Variants in COL5A2 observed in about 807,000 individuals in gnomAD.
COL5A2 encodes collagen alpha-2(V) chain.
Under a neutral mutation model 208.2 loss-of-function variants are expected in COL5A2, and 23 were observed. The ratio of observed to expected loss-of-function variants is 0.11; its 90% CI spans 0.08 to 0.16. The LOEUF is 0.16. Among genes scored for constraint, COL5A2 ranks in the 10% least tolerant of loss-of-function variants. The pLI is 1.00. For synonymous variants in COL5A2, 625 were observed against 628.5 expected, an observed-to-expected ratio of 0.99 and a Z score of 0.08; for missense variants, 1,590 against 1,956.4, an observed-to-expected ratio of 0.81 and a Z score of 3.53.
At position 189,063,263 on chromosome 2, in the gene COL5A2, G is replaced by A. The variant is rs776671435; in HGVS notation, c.1778C>T (p.Pro593Leu). Residue 593 changes from proline to leucine, a missense_variant, in exon 27 of 54, where the codon CCA becomes CTA. Transcript: ENST00000374866. ...PEGKLGPLGA[P>L]GEDGRPGPPG... ...AGGACCTGGACGGCCATCTTCCCCT[G>A]GCGCACCCTATAGAATTGACAGGAG... The A allele has an allele frequency of 2.5e-6, 4 of 1,613,706 alleles. No homozygotes were observed. In the Admixed American group the frequency reaches 5.0e-5, roughly 20 times the overall value.
intron 1 of COL5A2, among the ~76,000 whole-genome samples, chr2:189,172,576 A>G (rs1408040292): frequency 1.3e-5 from 2 of 152,212 alleles, no homozygotes; most frequent in Non-Finnish European, 2.9e-5. Context: ...CAGTGAGGTT[A>G]AGGACCCTCT....
intron 1 of COL5A2, among the ~76,000 whole-genome samples, chr2:189,141,363 C>T (rs926206911): frequency 6.6e-6 from 1 of 152,012 alleles, no homozygotes; most frequent in Non-Finnish European, 1.5e-5. Context: ...AATTATTTGC[C>T]TATTTTGCCT....
chr2:189,157,133 T>TATAG (rs1248443342), intron 1 of COL5A2, among the ~76,000 whole-genome samples: 17 of 82,776 alleles, frequency 2.1e-4, no homozygotes, highest in African/African-American at 4.4e-4. Context: ...TCTATCTATA[T>TATAG]ATATATCTAT....
intron 1 of COL5A2, among the ~76,000 whole-genome samples, chr2:189,191,163 C>CCAAAAAAAAAAAAAAAAAAAAAAA (rs748055610): frequency 9.8e-4 from 71 of 72,234 alleles, no homozygotes; most frequent in East Asian, 1.8e-3. Context: ...AAAAAACAAA[C>CCAAAAAAAAAAAAAAAAAAAAAAA]AAACAACAAA....
At chr2:189,399,007 G>C in the COL5A2 span, among the ~76,000 whole-genome samples, 2 of 151,892 alleles carry the variant, frequency 1.3e-5, no homozygotes, top group Admixed American at 1.3e-4. Flanking sequence ...CTCATACTTT[G>C]TGCTGTTTTG....
chr2:189,054,110 A>C (rs746636643), intron 36 of COL5A2, 49 bp downstream of exon 36: 1 of 1,521,774 alleles, frequency 6.6e-7, no homozygotes, highest in Admixed American at 1.7e-5. Context: ...AGAGCCTGCT[A>C]TTCAGGACTC....
the COL5A2 span, among the ~76,000 whole-genome samples, chr2:189,380,598 A>T: frequency 6.6e-6 from 1 of 151,854 alleles, no homozygotes. Flanking sequence ...GTTATAATTT[A>T]TACATGTATT....
rs773311965 is a variant in COL5A2, at chr2:189,087,083, C to T, written c.646-313G>A. ...GATGGTTCTGTTAAGTAAGAACATCCGAATAAAGAAAAATCTTGGCTGACA... is the reference window on the plus strand; with the variant it reads ...GATGGTTCTGTTAAGTAAGAACATCTGAATAAAGAAAAATCTTGGCTGACA... On this transcript the variant is annotated intron_variant, in intron 8 of 53. Transcript: ENST00000374866. Among the ~76,000 whole-genome samples the T allele has an allele frequency of 4.6e-5, 7 of 152,092 alleles. No individual in the cohort carries two copies. In the East Asian group the frequency reaches 7.7e-4, roughly 17 times the overall value.
At chr2:189,377,697 G>A in the COL5A2 span, among the ~76,000 whole-genome samples, 1 of 152,078 alleles carries the variant, frequency 6.6e-6, no homozygotes, top group African/African-American at 2.4e-5. Context: ...TGCAACTTCT[G>A]TATTCACCCA....
the COL5A2 span, among the ~76,000 whole-genome samples, chr2:189,292,703 T>C: frequency 6.6e-6 from 1 of 152,168 alleles, no homozygotes; most frequent in Non-Finnish European, 1.5e-5. Flanking sequence ...TGGCGATTCC[T>C]CAGGGATCTA....
At chr2:189,128,528 A>C (rs1687651322) in intron 1 of COL5A2, among the ~76,000 whole-genome samples, 1 of 151,592 alleles carries the variant, frequency 6.6e-6, no homozygotes, top group South Asian at 2.1e-4. Flanking sequence ...ATTTTCTTTT[A>C]AGTTGGTGCT....
At position 189,068,773 on chromosome 2, in the gene COL5A2, G is replaced by A. The variant is rs774020149; in HGVS notation, c.1257+13C>T. The A allele has an allele frequency of 6.3e-7, 1 of 1,585,940 alleles. No individual in the cohort carries two copies. The highest frequency in any genetic ancestry group is 1.1e-5 in the South Asian group (1 of 90,580). On this transcript the variant is annotated intron_variant, in intron 19 of 53. Coordinates refer to ENST00000374866, the MANE Select transcript of COL5A2 (RefSeq NM_000393.5). ...GCTTTCTGGGCTGGTTCTTAAATAT[G>A]CTAGAAACTTACAGGAAGACCTGGA...
intron 1 of COL5A2, among the ~76,000 whole-genome samples, chr2:189,187,386 T>C (rs1171265215): frequency 4.6e-5 from 7 of 152,214 alleles, no homozygotes; most frequent in Middle Eastern, 3.2e-3. Context: ...TCTGCAGATA[T>C]GTGGTGATTA....
chr2:189,094,906 T>C (rs1377519543), intron 6 of COL5A2, among the ~76,000 whole-genome samples: 1 of 151,562 alleles, frequency 6.6e-6, no homozygotes, highest in Non-Finnish European at 1.5e-5. Context: ...ACTACTGACA[T>C]ACTAGTTCTC....
chr2:189,398,485 A>C, the COL5A2 span, among the ~76,000 whole-genome samples: 1 of 152,148 alleles, frequency 6.6e-6, no homozygotes, highest in East Asian at 1.9e-4. Context: ...TATCTTCCTT[A>C]AAGATTGAAA....
At chr2:189,049,001 T>C (rs1292062649) in intron 44 of COL5A2, among the ~76,000 whole-genome samples, 1 of 151,700 alleles carries the variant, frequency 6.6e-6, no homozygotes, top group African/African-American at 2.4e-5. Flanking sequence ...ACCAAAAAAC[T>C]TGGCAATTTT....
chr2:189,293,552 G>A, the COL5A2 span, among the ~76,000 whole-genome samples: 3 of 152,192 alleles, frequency 2.0e-5, no homozygotes, highest in Non-Finnish European at 4.4e-5. Flanking sequence ...TTAGGATTAG[G>A]AGGTGGAACC....
chr2:189,052,796 T>C lies in COL5A2; in HGVS notation c.2668A>G (p.Asn890Asp), dbSNP rs761453798. 5.0e-6 allele frequency: 8 copies of C among 1,614,056 alleles called. No individual in the cohort carries two copies. Among genetic ancestry groups the C allele is most frequent in the African/African-American group, 1.3e-5 (1 of 74,928 alleles). The stretch of plus-strand genomic sequence containing the variant: ...CCACCTTTTAGTCCAGGAACACCAT[T>C]AGGACCCTGAATAGAAACAAACAAA... ...LAGSPGPHGP[N>D]GVPGLKGGRG... Residue 890 changes from asparagine to aspartate, a missense_variant, in exon 40 of 54, where the codon AAT becomes GAT. Asn to Asp is a conservative substitution (Grantham distance 23). Transcript: ENST00000374866.
At chr2:189,053,300 G>A in intron 38 of COL5A2, 124 bp downstream of exon 38, 1 of 887,762 alleles carries the variant, frequency 1.1e-6, no homozygotes, top group East Asian at 2.6e-5. Context: ...TTGAAAATGA[G>A]AATATTGTCT....
Sources: allele counts gnomAD v4.1 joint callset (sites outside exome capture counted in the v4.1 genomes callset), GRCh38; gene constraint gnomAD v4.1.1; transcripts MANE v1.5; gene names NCBI Gene and HGNC (gene_info 2026-07-23, HGNC 2026-07-21).